Variants in KAZN observed in about 807,000 individuals in gnomAD.
KAZN encodes the protein kazrin, periplakin interacting protein, also known as kazrin.
KAZN carries 40 observed loss-of-function variants against 87.4 expected under a neutral mutation model. The ratio of observed to expected loss-of-function variants is 0.46; its 90% CI spans 0.36 to 0.60. The LOEUF is 0.60. KAZN is among the 20% of genes least tolerant of loss of function. The pLI, the probability that KAZN is intolerant of heterozygous loss-of-function variation, is 0.00. For synonymous variants in KAZN, 466 were observed against 458.3 expected, an observed-to-expected ratio of 1.02 and a Z score of -0.22; for missense variants, 898 against 1,073.9, an observed-to-expected ratio of 0.84 and a Z score of 2.29.
intron 1 of KAZN, among the ~76,000 whole-genome samples, chr1:13,961,189 G>T (rs942056401): frequency 6.6e-6 from 1 of 152,108 alleles, no homozygotes. Context: ...GTTCGCGTGT[G>T]TGTGGAGTCT....
At chr1:14,906,831 CG>C (rs1377340821) in intron 1 of KAZN, among the ~76,000 whole-genome samples, 1 of 150,834 alleles carries the variant, frequency 6.6e-6, no homozygotes, top group Non-Finnish European at 1.5e-5. Context: ...TTCAATTTGG[CG>C]GGCCCTCTGA....
chr1:14,151,107 T>C (rs1645463983), intron 1 of KAZN, among the ~76,000 whole-genome samples: 1 of 152,196 alleles, frequency 6.6e-6, no homozygotes, highest in Admixed American at 6.5e-5. Context: ...CTTATAAAAG[T>C]TTCACATGCT....
At chr1:14,069,412 G>T (rs780306258) in intron 1 of KAZN, among the ~76,000 whole-genome samples, 2 of 152,208 alleles carry the variant, frequency 1.3e-5, no homozygotes, top group Non-Finnish European at 2.9e-5. Context: ...TGGATTTCAT[G>T]CACTGTGCGC....
intron 1 of KAZN, among the ~76,000 whole-genome samples, chr1:14,012,281 A>G (rs924572582): frequency 2.6e-5 from 4 of 152,266 alleles, no homozygotes; most frequent in Non-Finnish European, 5.9e-5. Flanking sequence ...TTGAGTTAAC[A>G]GAACAACCAC....
At chr1:14,370,796 T>A (rs775814420) in intron 2 of KAZN, among the ~76,000 whole-genome samples, 1 of 152,206 alleles carries the variant, frequency 6.6e-6, no homozygotes, top group Non-Finnish European at 1.5e-5. Context: ...GTGATCCTCT[T>A]ACCTCAGCCT....
intron 1 of KAZN, among the ~76,000 whole-genome samples, chr1:14,734,850 T>C (rs1288643115): frequency 1.3e-5 from 2 of 152,202 alleles, no homozygotes; most frequent in Non-Finnish European, 2.9e-5. Context: ...AGACTGCGTG[T>C]CCCAAGCATC....
At chr1:14,917,830 CTAAATG>C (rs1454032447) in intron 1 of KAZN, among the ~76,000 whole-genome samples, 1 of 151,042 alleles carries the variant, frequency 6.6e-6, no homozygotes, top group Non-Finnish European at 1.5e-5. Flanking sequence ...GGGGTGAGAT[CTAAATG>C]TACTTCTTTC....
At chr1:14,774,443 C>T (rs4661526) in intron 1 of KAZN, among the ~76,000 whole-genome samples, 112,491 of 150,402 alleles carry the variant, frequency 0.75, 42,143 homozygotes, top group South Asian at 0.84. Flanking sequence ...CTCACAATGC[C>T]TACCTTTTCT....
chr1:14,504,258 A>G (rs1327669310), intron 2 of KAZN, among the ~76,000 whole-genome samples: 1 of 152,162 alleles, frequency 6.6e-6, no homozygotes, highest in Non-Finnish European at 1.5e-5. Context: ...GTCTGGTATA[A>G]TTTGGAGGCT....
chr1:14,460,659 C>T (rs1337288095), intron 2 of KAZN, among the ~76,000 whole-genome samples: 1 of 152,158 alleles, frequency 6.6e-6, no homozygotes, highest in Non-Finnish European at 1.5e-5. Context: ...CCCATCATCC[C>T]CACACATCAA....
Position 14,365,038 on chromosome 1 carries a change from C to T in KAZN, c.249+184446C>T, listed in dbSNP as rs142511001. Reference sequence around the variant, plus strand: ...AATTGTAGGCATGAGCCACCATGCCCGGCCCCCTCTCTTTTTTTTTTTTGT... The same window carrying T: ...AATTGTAGGCATGAGCCACCATGCCTGGCCCCCTCTCTTTTTTTTTTTTGT... On this transcript the variant is annotated intron_variant, in intron 2 of 16. Transcript: ENST00000636203. Among the ~76,000 whole-genome samples the T allele has an allele frequency of 7.9e-3, 1,194 of 151,416 alleles. 18 individuals carry two copies. The highest frequency in any genetic ancestry group is 0.027 in the African/African-American group (1,130 of 41,288).
intron 1 of KAZN, among the ~76,000 whole-genome samples, chr1:14,739,127 A>G (rs1644008198): frequency 6.6e-6 from 1 of 152,188 alleles, no homozygotes; most frequent in African/African-American, 2.4e-5. Flanking sequence ...GCAGTGAGCT[A>G]TGATTGCACC....
chr1:13,896,421 C>A (rs188633556), intron 1 of KAZN, among the ~76,000 whole-genome samples: 1 of 152,312 alleles, frequency 6.6e-6, no homozygotes, highest in Non-Finnish European at 1.5e-5. Flanking sequence ...TCTCAAGTAG[C>A]TGGGACCACA....
At chr1:14,233,931 A>G (rs1359202319) in intron 2 of KAZN, among the ~76,000 whole-genome samples, 1 of 152,232 alleles carries the variant, frequency 6.6e-6, no homozygotes, top group East Asian at 1.9e-4. Flanking sequence ...AGAAATAGGA[A>G]CGCTTTTACA....
intron 1 of KAZN, among the ~76,000 whole-genome samples, chr1:14,122,590 G>T (rs897171765): frequency 1.3e-5 from 2 of 152,280 alleles, no homozygotes; most frequent in African/African-American, 4.8e-5. Flanking sequence ...TCTCTATTCT[G>T]TTACAGTAGA....
chr1:14,386,714 T>C (rs1661930810), intron 2 of KAZN, among the ~76,000 whole-genome samples: 1 of 152,094 alleles, frequency 6.6e-6, no homozygotes, highest in South Asian at 2.1e-4. Context: ...CCTTTGAGGG[T>C]AACATGACCT....
rs576629044 is a variant in KAZN, at chr1:14,232,618, T to G, written c.249+52026T>G. Among the ~76,000 whole-genome samples, 3 of 152,320 alleles carry G rather than the reference T, an allele frequency of 2.0e-5. No homozygotes were observed. The East Asian group carries it at 5.8e-4, about 29-fold the overall frequency. On this transcript the variant is annotated intron_variant, in intron 2 of 16. Transcript: ENST00000636203. ...GATACAGGGCTGAGATACAATGGTT[T>G]CTTCTCCACTGCATAAAACTAAAGC...
intron 14 of KAZN, chr1:15,113,163 T>C (rs142859612): frequency 1.3e-5 from 2 of 152,486 alleles, no homozygotes; most frequent in Non-Finnish European, 2.9e-5. Flanking sequence ...CATTCATTCA[T>C]AAACATGAAT....
rs547667522 is a variant in KAZN at position 14,619,058 on chromosome 1, G to A, written c.226+19835G>A. On this transcript the variant is annotated intron_variant, in intron 1 of 14. Coordinates refer to ENST00000376030, the MANE Select transcript of KAZN (RefSeq NM_201628.3). Reference sequence around the variant, plus strand: ...GTTTGGCTCAAGATCTGGGTGGGATGGGAGAATTAATGGGGCATTGAGATG... The same window carrying A: ...GTTTGGCTCAAGATCTGGGTGGGATAGGAGAATTAATGGGGCATTGAGATG... 3.3e-4 allele frequency among the ~76,000 whole-genome samples: 51 copies of A among 152,290 alleles called. 1 individual carries two copies. Among genetic ancestry groups the A allele is most frequent in the African/African-American group, 1.2e-3 (49 of 41,548 alleles).
Sources: gnomAD v4.1 joint callset for allele counts (sites outside exome capture counted in the v4.1 genomes callset) on GRCh38, gnomAD v4.1.1 for gene constraint, MANE v1.5 for transcripts, NCBI Gene and HGNC (gene_info 2026-07-23, HGNC 2026-07-21) for gene names.